Variants in CDK14 observed in about 807,000 individuals in gnomAD.
The protein encoded by CDK14 is cyclin dependent kinase 14, also known as cyclin-dependent kinase 14.
A neutral mutation model predicts 60.7 loss-of-function variants in CDK14; 34 were observed. The observed-to-expected ratio is 0.56, with a 90% CI of 0.43 to 0.75. The LOEUF (loss-of-function observed/expected upper bound fraction) is 0.75, where lower values mean the gene tolerates loss of function less well. Ranked by LOEUF, CDK14 falls within the 30% of genes least tolerant of loss-of-function variation. The pLI is 0.00. For missense variants in CDK14, 482 were observed against 564.1 expected, an observed-to-expected ratio of 0.85 and a Z score of 1.47; for synonymous variants, 197 against 203.7, an observed-to-expected ratio of 0.97 and a Z score of 0.28.
chr7:91,066,423 C>T (rs1480237160), intron 11 of CDK14, among the ~76,000 whole-genome samples: 1 of 152,118 alleles, frequency 6.6e-6, no homozygotes, highest in East Asian at 1.9e-4. Context: ...CTTTCAAGTC[C>T]TTTGAACATA....
intron 3 of CDK14, among the ~76,000 whole-genome samples, chr7:90,732,310 TTGTG>T (rs1802900452): frequency 6.6e-6 from 1 of 152,178 alleles, no homozygotes; most frequent in Admixed American, 6.5e-5. Context: ...TCTTTTTTTG[TTGTG>T]TCTCTGCCAG....
chr7:90,663,262 C>A (rs1800899956), intron 2 of CDK14, among the ~76,000 whole-genome samples: 1 of 152,178 alleles, frequency 6.6e-6, no homozygotes, highest in Non-Finnish European at 1.5e-5. Flanking sequence ...TTGTTTATTA[C>A]ATATTCACAC....
intron 9 of CDK14, among the ~76,000 whole-genome samples, chr7:90,976,264 T>G (rs1795069165): frequency 1.3e-5 from 2 of 152,212 alleles, no homozygotes; most frequent in African/African-American, 4.8e-5. Flanking sequence ...AGAATTTCCC[T>G]GATGTTTAGT....
At chr7:91,026,411 A>G (rs1796570067) in intron 10 of CDK14, among the ~76,000 whole-genome samples, 1 of 152,232 alleles carries the variant, frequency 6.6e-6, no homozygotes, top group Admixed American at 6.5e-5. Context: ...GATAATCCAG[A>G]GTGAAAACAA....
rs551779057 is a variant in CDK14, at chr7:90,674,093, ATTG to A, written c.124-52471_124-52469del. On this transcript the variant is annotated intron_variant, in intron 2 of 14. Coordinates refer to ENST00000380050, the MANE Select transcript of CDK14 (RefSeq NM_001287135.2). ...CTCTAGTTCTATAGTGAGATAGTCTATTGTTCATAATGAAGGGGACATCAAATT... is the reference window on the plus strand; with the variant it reads ...CTCTAGTTCTATAGTGAGATAGTCTATTCATAATGAAGGGGACATCAAATT... 4.1e-3 allele frequency among the ~76,000 whole-genome samples: 621 copies of A among 152,350 alleles called. 3 individuals carry two copies. Among genetic ancestry groups the A allele is most frequent in the Non-Finnish European group, 5.0e-3 (340 of 68,032 alleles).
chr7:90,665,671 AAAG>A (rs746757380), intron 2 of CDK14, among the ~76,000 whole-genome samples: 6 of 152,242 alleles, frequency 3.9e-5, no homozygotes, highest in Non-Finnish European at 8.8e-5. Flanking sequence ...CATCAGGGAA[AAAG>A]AAGATTTTGG....
chr7:90,808,462 G>A (rs1788951184), intron 5 of CDK14, among the ~76,000 whole-genome samples: 1 of 152,158 alleles, frequency 6.6e-6, no homozygotes, highest in East Asian at 1.9e-4. Context: ...AGACCCTGAA[G>A]GAAGCACTAA....
intron 4 of CDK14, among the ~76,000 whole-genome samples, chr7:90,785,169 A>G (rs1805525022): frequency 6.6e-6 from 1 of 152,206 alleles, no homozygotes; most frequent in South Asian, 2.1e-4. Context: ...TAAATTTCCC[A>G]GATTATATTA....
chr7:90,726,802 G>T lies in CDK14; in HGVS notation c.359G>T (p.Ser120Ile), dbSNP rs138436598. ...KESPKVRRHS[S>I]PSSPTSPKFG... is the part of the protein sequence containing the mutation. ...TCACCTAAAGTTAGGCGGCACTCCA[G>T]CCCCAGCTCGGTAAGTGCAGTCTTT... The change falls in exon 3 of 15, where the codon AGC (serine) becomes ATC (isoleucine). Residue 120 changes from serine (S) to isoleucine (I), a missense_variant. By Grantham distance (142) the Ser-to-Ile change is moderately radical. Coordinates refer to ENST00000380050, the MANE Select transcript of CDK14 (RefSeq NM_001287135.2). The T allele has an allele frequency of 2.5e-6, 4 of 1,613,350 alleles. No homozygotes were observed. The highest frequency in any genetic ancestry group is 3.4e-6 in the Non-Finnish European group (4 of 1,179,728).
In CDK14 at chr7:91,209,663, C is replaced by T. The variant is rs1803009599; in HGVS notation, c.*2527C>T. 6.6e-6 allele frequency: 1 copy of T among 152,578 alleles called. No homozygotes were observed. Among genetic ancestry groups the T allele is most frequent in the South Asian group, 2.1e-4 (1 of 4,828 alleles). 9.5% of individuals were successfully genotyped at this position (152,578 alleles called of 1,614,324 possible). On this transcript the variant is annotated 3_prime_UTR_variant, in exon 15 of 15. Transcript: ENST00000380050. ...ACAGATGGTAAGAATAGTACAAACA[C>T]CTTAGCACATCACTGCACACACAGT... is the stretch of plus-strand genomic sequence containing the variant.
chr7:91,138,773 T>A (rs1800359066), intron 14 of CDK14, among the ~76,000 whole-genome samples: 1 of 152,154 alleles, frequency 6.6e-6, no homozygotes, highest in Admixed American at 6.5e-5. Flanking sequence ...TTTTTCCTCA[T>A]TTTTATAAAA....
intron 6 of CDK14, among the ~76,000 whole-genome samples, chr7:90,898,625 TAAG>T (rs1792409243): frequency 1.3e-5 from 2 of 152,118 alleles, no homozygotes; most frequent in Admixed American, 6.6e-5. Context: ...GAAAAAGCAT[TAAG>T]AAGAAGATAT....
rs991623853 is a variant in CDK14, at chr7:90,754,932, A to G, written c.464+7157A>G. ...CCGTAATGAGATACCATCTCAAATC[A>G]GTTAGAATGGCTATTATTAAAAGTC... On this transcript the variant is annotated intron_variant, in intron 4 of 14. Coordinates refer to ENST00000380050, the MANE Select transcript of CDK14 (RefSeq NM_001287135.2). 3.3e-5 allele frequency among the ~76,000 whole-genome samples: 5 copies of G among 152,328 alleles called. No individual in the cohort carries two copies. In the South Asian group the frequency reaches 1.0e-3, roughly 32 times the overall value.
In CDK14 at chr7:90,909,083, C is replaced by A. The variant is rs188940939; in HGVS notation, c.703-8518C>A. Among the ~76,000 whole-genome samples the A allele has an allele frequency of 3.0e-4, 45 of 152,094 alleles. No individual in the cohort carries two copies. The East Asian group carries it at 8.3e-3, about 28-fold the overall frequency. On this transcript the variant is annotated intron_variant, in intron 7 of 14. Coordinates refer to ENST00000380050, the MANE Select transcript of CDK14 (RefSeq NM_001287135.2). ...TTTCATTTTGTATAAAAAAGAATGG[C>A]CCTGTAGTTGGGAGAGAGTAGCATA...
intron 14 of CDK14, among the ~76,000 whole-genome samples, chr7:91,166,642 A>G (rs1480324292): frequency 6.6e-6 from 1 of 152,170 alleles, no homozygotes; most frequent in African/African-American, 2.4e-5. Flanking sequence ...GAGGCATCCG[A>G]GTAATTTGGC....
intron 2 of CDK14, among the ~76,000 whole-genome samples, chr7:90,677,645 G>A (rs1480718621): frequency 1.3e-5 from 2 of 151,658 alleles, no homozygotes; most frequent in African/African-American, 2.4e-5. Flanking sequence ...TTTCCTGGAA[G>A]CTGTTTTTTT....
chr7:90,989,001 A>AGAGTGTGTGT (rs1554399200), intron 10 of CDK14, among the ~76,000 whole-genome samples: 3 of 149,750 alleles, frequency 2.0e-5, no homozygotes, highest in Non-Finnish European at 4.4e-5. Context: ...TTTGTGTGTG[A>AGAGTGTGTGT]GTGTGTGTGT....
At chr7:90,678,765 A>C (rs1022988039) in intron 2 of CDK14, among the ~76,000 whole-genome samples, 3 of 152,188 alleles carry the variant, frequency 2.0e-5, no homozygotes, top group Non-Finnish European at 4.4e-5. Context: ...ATTCATCAGC[A>C]CTAGCTATTA....
At chr7:91,192,045 A>G (rs572084270) in intron 14 of CDK14, among the ~76,000 whole-genome samples, 28 of 152,186 alleles carry the variant, frequency 1.8e-4, no homozygotes, top group Non-Finnish European at 3.8e-4. Context: ...CTGAAGATTT[A>G]TAGTGCTACC....
Sources: allele counts gnomAD v4.1 joint callset (sites outside exome capture counted in the v4.1 genomes callset), GRCh38; gene constraint gnomAD v4.1.1; transcripts MANE v1.5; gene names NCBI Gene and HGNC (gene_info 2026-07-23, HGNC 2026-07-21).